The following JPH2 variants were observed in gnomAD, a reference collection of about 807,000 sequenced individuals.
JPH2 encodes the protein junctophilin-2.
Under a neutral mutation model 55.9 loss-of-function variants are expected in JPH2, and 38 were observed. The ratio of observed to expected loss-of-function variants is 0.68; its 90% CI spans 0.52 to 0.89. The LOEUF (loss-of-function observed/expected upper bound fraction) is 0.89, where lower values mean the gene tolerates loss of function less well. Among genes scored for constraint, JPH2 ranks in the 40% least tolerant of loss-of-function variants. The pLI is 0.00. For missense variants in JPH2, 964 were observed against 1,037.6 expected (o/e 0.93, Z 0.97); for synonymous variants, 480 against 472.4 (o/e 1.02, Z -0.21).
At chr20:44,168,805 C>T (rs1365164761) in intron 1 of JPH2, among the ~76,000 whole-genome samples, 11 of 152,170 alleles carry the variant, frequency 7.2e-5, no homozygotes, top group Non-Finnish European at 1.6e-4. Context: ...GATGTTTGTC[C>T]CCTCCAAACT....
intron 2 of JPH2, among the ~76,000 whole-genome samples, chr20:44,119,263 G>T (rs1487976566): frequency 2.0e-5 from 3 of 152,116 alleles, no homozygotes; most frequent in Admixed American, 6.5e-5. Context: ...ATATTTCAAG[G>T]ATATCTAATT....
At chr20:44,132,438 C>A (rs6103641) in intron 2 of JPH2, among the ~76,000 whole-genome samples, 39,999 of 145,272 alleles carry the variant, frequency 0.28, 5,994 homozygotes, top group East Asian at 0.44. Flanking sequence ...CCCATCTCCC[C>A]CCCTTGCCCC....
chr20:44,117,484 C>T (rs2072202002), intron 3 of JPH2, among the ~76,000 whole-genome samples: 1 of 152,222 alleles, frequency 6.6e-6, no homozygotes, highest in South Asian at 2.1e-4. Flanking sequence ...GCCTTTGCAC[C>T]TCCTCCACTC....
rs1569192621 is a variant in JPH2 at position 44,134,059 on chromosome 20, T to TTATATATAAATATATATTTA, written c.1170-15437_1170-15436insTAAATATATATTTATATATA. 1.2e-4 allele frequency among the ~76,000 whole-genome samples: 3 copies of TTATATATAAATATATATTTA among 25,012 alleles called. 1 individual carries two copies. Among genetic ancestry groups the TTATATATAAATATATATTTA allele is most frequent in the African/African-American group, 3.9e-4 (2 of 5,186 alleles). The allele number at this position is 25,012 out of a possible 152,430, so 16.4% of individuals were successfully genotyped here. The stretch of plus-strand genomic sequence containing the variant: ...ATATTTATATATAAATATATATTTA[T>TTATATATAAATATATATTTA]TATAAATATATAAATATATATTTAT... On this transcript the variant is annotated intron_variant, in intron 2 of 5. Coordinates refer to ENST00000372980, the MANE Select transcript of JPH2 (RefSeq NM_020433.5).
At chr20:44,165,866 C>T (rs571801760) in intron 1 of JPH2, among the ~76,000 whole-genome samples, 51 of 152,276 alleles carry the variant, frequency 3.3e-4, no homozygotes, top group African/African-American at 1.2e-3. Flanking sequence ...CCACCCGTGG[C>T]CACCCTACTT....
At chr20:44,131,589 C>G (rs2072319528) in intron 2 of JPH2, among the ~76,000 whole-genome samples, 1 of 152,194 alleles carries the variant, frequency 6.6e-6, no homozygotes, top group Non-Finnish European at 1.5e-5. Context: ...CCACAAAGGT[C>G]TAAGAACAGT....
In JPH2 at chr20:44,158,149, G is replaced by A. The variant is rs183573248; in HGVS notation, c.1169+1469C>T. On this transcript the variant is annotated intron_variant, in intron 2 of 5. Coordinates refer to ENST00000372980, the MANE Select transcript of JPH2 (RefSeq NM_020433.5). ...CAAATCATGTAAGTCATGTAAAGCT[G>A]CACCTGTGGCGCGCTCTAAGGACAG... 3.9e-5 allele frequency among the ~76,000 whole-genome samples: 6 copies of A among 152,346 alleles called. No individual in the cohort carries two copies. In the East Asian group the frequency reaches 1.2e-3, roughly 29 times the overall value.
At position 44,111,077 on chromosome 20, in the gene JPH2, TGC is replaced by T. The variant is rs770527592; in HGVS notation, c.*2439_*2440del. On this transcript the variant is annotated 3_prime_UTR_variant, in exon 6 of 6. Coordinates refer to ENST00000372980, the MANE Select transcript of JPH2 (RefSeq NM_020433.5). ...GCTTTCCTGCCACCAACTTGCTGTGTGCGTGACCTTGGGCAAGTCCCTCTGCT... is the reference window on the plus strand; with the variant it reads ...GCTTTCCTGCCACCAACTTGCTGTGTGTGACCTTGGGCAAGTCCCTCTGCT... Among the ~76,000 whole-genome samples the T allele has an allele frequency of 5.6e-4, 85 of 152,350 alleles. No individual in the cohort carries two copies. In the Middle Eastern group the frequency reaches 0.014, roughly 24 times the overall value.
chr20:44,169,939 A>G (rs1267003962), intron 1 of JPH2, among the ~76,000 whole-genome samples: 1 of 152,220 alleles, frequency 6.6e-6, no homozygotes, highest in East Asian at 1.9e-4. Context: ...AGTCTCCACC[A>G]GTAAGAATGC....
intron 2 of JPH2, among the ~76,000 whole-genome samples, chr20:44,138,355 C>T (rs2145861335): frequency 6.7e-6 from 1 of 149,754 alleles, no homozygotes; most frequent in South Asian, 2.1e-4. Flanking sequence ...TAACTGAGAG[C>T]CCAGCAGCAA....
At chr20:44,141,961 G>A (rs1382760541) in intron 2 of JPH2, among the ~76,000 whole-genome samples, 1 of 152,184 alleles carries the variant, frequency 6.6e-6, no homozygotes, top group Non-Finnish European at 1.5e-5. Context: ...AGCTGGGCTG[G>A]ACCATCTCAA....
chr20:44,114,888 G>A lies in JPH2; in HGVS notation c.2011-12C>T. 3 of 1,592,270 alleles carry A rather than the reference G, an allele frequency of 1.9e-6. No homozygotes were observed. The highest frequency in any genetic ancestry group is 2.3e-5 in the South Asian group (2 of 87,142). ...ATGGTGTTGGGGACCTGGGAGCAGT[G>A]GAGAGAGGCTTCCTGAGTCCCCATG... On this transcript the variant is annotated splice_polypyrimidine_tract_variant and intron_variant, in intron 4 of 5. Coordinates refer to ENST00000372980, the MANE Select transcript of JPH2 (RefSeq NM_020433.5).
At chr20:44,142,993 C>T (rs2072468309) in intron 2 of JPH2, among the ~76,000 whole-genome samples, 1 of 152,116 alleles carries the variant, frequency 6.6e-6, no homozygotes, top group African/African-American at 2.4e-5. Context: ...ACAGGAAACC[C>T]AGACTAGAAG....
intron 2 of JPH2, among the ~76,000 whole-genome samples, chr20:44,154,595 G>A (rs977628181): frequency 4.6e-5 from 7 of 152,120 alleles, no homozygotes; most frequent in African/African-American, 1.7e-4. Flanking sequence ...GTAGCCTCCG[G>A]GCTGACAAAT....
intron 1 of JPH2, among the ~76,000 whole-genome samples, chr20:44,181,296 A>G (rs1408631106): frequency 3.3e-5 from 5 of 152,252 alleles, no homozygotes; most frequent in South Asian, 2.1e-4. Flanking sequence ...CACACTTTAC[A>G]TTGCAAAACA....
intron 2 of JPH2, among the ~76,000 whole-genome samples, chr20:44,154,757 C>A (rs189983523): frequency 9.8e-5 from 15 of 152,312 alleles, no homozygotes; most frequent in Admixed American, 7.2e-4. Context: ...AGAGTCCCTG[C>A]GGAAGATGGC....
In JPH2 at chr20:44,115,838, C is replaced by T. The variant is rs1354419576; in HGVS notation, c.1837G>A (p.Glu613Lys). 7 of 1,596,484 alleles carry T rather than the reference C, an allele frequency of 4.4e-6. No individual in the cohort carries two copies. Among genetic ancestry groups the T allele is most frequent in the African/African-American group, 1.3e-5 (1 of 74,724 alleles). The change falls in exon 4 of 6, where the codon GAG becomes AAG. Residue 613 changes from glutamate (E) to lysine (K), a missense_variant. Transcript: ENST00000372980. Reference protein sequence around the residue: ...PLQAPTLRGPEPARETPAKLE... With the variant: ...PLQAPTLRGPKPARETPAKLE... Reference sequence around the variant, plus strand: ...TTGGCGGGGGTCTCGCGTGCAGGCTCGGGGCCTCGGAGCGTGGGGGCCTGC... The same window carrying T: ...TTGGCGGGGGTCTCGCGTGCAGGCTTGGGGCCTCGGAGCGTGGGGGCCTGC...
intron 2 of JPH2, among the ~76,000 whole-genome samples, chr20:44,150,503 T>C (rs1943781337): frequency 6.6e-6 from 1 of 152,196 alleles, no homozygotes; most frequent in Non-Finnish European, 1.5e-5. Flanking sequence ...CGGCCTTTTT[T>C]TCCCCTGCAG....
At chr20:44,171,131 C>G (rs913549181) in intron 1 of JPH2, among the ~76,000 whole-genome samples, 3 of 152,122 alleles carry the variant, frequency 2.0e-5, no homozygotes, top group Admixed American at 2.0e-4. Flanking sequence ...AGGTCAGGAT[C>G]CCTAGGGAAA....
Sources: allele counts gnomAD v4.1 joint callset (sites outside exome capture counted in the v4.1 genomes callset), GRCh38; gene constraint gnomAD v4.1.1; transcripts MANE v1.5; gene names NCBI Gene and HGNC (gene_info 2026-07-23, HGNC 2026-07-21).